CPS1: variants seen among roughly 807,000 people sequenced by gnomAD.
CPS1 encodes the protein carbamoyl-phosphate synthase 1.
Under a neutral mutation model 174.6 loss-of-function variants are expected in CPS1, and 109 were observed. The ratio of observed to expected loss-of-function variants is 0.62; its 90% CI spans 0.53 to 0.73. The LOEUF is 0.73. Among genes scored for constraint, CPS1 ranks in the 30% least tolerant of loss-of-function variants. CPS1 has a pLI of 0.00. For missense variants in CPS1, 1,689 were observed against 1,821.9 expected (o/e 0.93, Z 1.33); for synonymous variants, 637 against 632.0 (o/e 1.01, Z -0.12).
chr2:210,479,268 T>C (rs1482305960), intron 1 of CPS1, among the ~76,000 whole-genome samples: 1 of 152,076 alleles, frequency 6.6e-6, no homozygotes, highest in Non-Finnish European at 1.5e-5. Context: ...TGTGTCCTAA[T>C]TTCCTCTTCT....
intron 1 of CPS1, among the ~76,000 whole-genome samples, chr2:210,546,107 G>C (rs1193668645): frequency 6.6e-6 from 1 of 151,984 alleles, no homozygotes; most frequent in African/African-American, 2.4e-5. Context: ...AAACTGAAAG[G>C]CTTCTCAAGA....
chr2:210,592,538 G>A (rs188566521), intron 10 of CPS1, among the ~76,000 whole-genome samples: 3 of 151,972 alleles, frequency 2.0e-5, no homozygotes, highest in Admixed American at 1.3e-4. Context: ...AAGTAATTTC[G>A]GACTTGGGGA....
chr2:210,606,904 C>A lies in CPS1; in HGVS notation c.2155C>A (p.Leu719Met). The change falls in exon 18 of 38, where the codon CTG (leucine) becomes ATG (methionine). Residue 719 changes from leucine to methionine, a missense_variant. Coordinates refer to ENST00000233072, the MANE Select transcript of CPS1 (RefSeq NM_001875.5). ...EYCIIEVNAR[L>M]SRSSALASKA... ...CTGCATCATTGAAGTGAATGCCAGACTGTCCCGAAGCTCTGCTCTGGCCTC... is the reference window on the plus strand; with the variant it reads ...CTGCATCATTGAAGTGAATGCCAGAATGTCCCGAAGCTCTGCTCTGGCCTC... The A allele has an allele frequency of 6.2e-7, 1 of 1,612,560 alleles. No homozygotes were observed. Among genetic ancestry groups the A allele is most frequent in the South Asian group, 1.1e-5 (1 of 91,060 alleles).
chr2:210,618,573 GATA>G (rs1448716553), intron 21 of CPS1: 3 of 152,004 alleles, frequency 2.0e-5, no homozygotes, highest in Non-Finnish European at 4.4e-5. Context: ...ATAGCAATTT[GATA>G]ATGATTGTTA....
intron 21 of CPS1, among the ~76,000 whole-genome samples, chr2:210,620,308 A>C (rs1452976943): frequency 1.3e-5 from 2 of 152,130 alleles, no homozygotes; most frequent in Non-Finnish European, 2.9e-5. Context: ...GAAATAACTG[A>C]TGAGTTTTCC....
chr2:210,521,286 A>G (rs1695818874), intron 1 of CPS1, among the ~76,000 whole-genome samples: 1 of 151,420 alleles, frequency 6.6e-6, no homozygotes, highest in Non-Finnish European at 1.5e-5. Flanking sequence ...ATCCTTAATC[A>G]TCCTTTCATC....
chr2:210,620,458 C>A (rs1263469177), intron 21 of CPS1, among the ~76,000 whole-genome samples: 1 of 152,012 alleles, frequency 6.6e-6, no homozygotes, highest in Non-Finnish European at 1.5e-5. Context: ...GTGTATTAGG[C>A]CATTCTTGCA....
Position 210,498,961 on chromosome 2 carries a change from G to T in CPS1, c.3+21195G>T, listed in dbSNP as rs145417986. Among the ~76,000 whole-genome samples, 106 of 152,302 alleles carry T rather than the reference G, an allele frequency of 7.0e-4. 2 individuals are homozygous for T. The highest frequency in any genetic ancestry group is 2.4e-3 in the African/African-American group (101 of 41,586). ...GTGTCTGAACAGGATGGGTGGGCTG[G>T]CTCAGGCTGTTGATTCAGGTGAGTG... is the stretch of plus-strand genomic sequence containing the variant. On this transcript the variant is annotated intron_variant, in intron 1 of 38. Coordinates refer to the CPS1 transcript ENST00000430249.
At chr2:210,501,982 G>A (rs1695150471) in intron 1 of CPS1, among the ~76,000 whole-genome samples, 1 of 152,142 alleles carries the variant, frequency 6.6e-6, no homozygotes. Flanking sequence ...CATGGCTGGA[G>A]AGCCCTCAAG....
chr2:210,653,344 G>C (rs1035182210), intron 28 of CPS1, among the ~76,000 whole-genome samples: 5 of 152,082 alleles, frequency 3.3e-5, no homozygotes, highest in Admixed American at 6.6e-5. Flanking sequence ...AGGGCATCCC[G>C]ACCCTGACAT....
At chr2:210,542,096 A>G (rs573733703) in intron 1 of CPS1, among the ~76,000 whole-genome samples, 2 of 152,110 alleles carry the variant, frequency 1.3e-5, no homozygotes, top group Non-Finnish European at 2.9e-5. Flanking sequence ...CTAGCTTAAA[A>G]TCTAGGGTCT....
At chr2:210,630,159 C>G (rs1288143237) in intron 21 of CPS1, among the ~76,000 whole-genome samples, 3 of 151,080 alleles carry the variant, frequency 2.0e-5, no homozygotes, top group Non-Finnish European at 4.4e-5. Flanking sequence ...TTGCAATTAA[C>G]CTACATTAAG....
At chr2:210,609,554 A>G (rs898743363) in intron 19 of CPS1, among the ~76,000 whole-genome samples, 9 of 151,986 alleles carry the variant, frequency 5.9e-5, no homozygotes, top group African/African-American at 2.2e-4. Context: ...GTATTCATAA[A>G]TGTTGCATGG....
intron 1 of CPS1, among the ~76,000 whole-genome samples, chr2:210,513,698 C>A (rs559870494): frequency 5.9e-5 from 9 of 152,024 alleles, no homozygotes; most frequent in African/African-American, 2.2e-4. Context: ...TTAATTAGGT[C>A]CCACTTGTGA....
At chr2:210,583,579 G>C (rs1698002027) in intron 6 of CPS1, among the ~76,000 whole-genome samples, 1 of 152,118 alleles carries the variant, frequency 6.6e-6, no homozygotes, top group South Asian at 2.1e-4. Flanking sequence ...GGAGAACTTT[G>C]TTTCAGGCAG....
At chr2:210,622,112 T>A (rs1385400004) in intron 21 of CPS1, among the ~76,000 whole-genome samples, 1 of 151,578 alleles carries the variant, frequency 6.6e-6, no homozygotes, top group African/African-American at 2.4e-5. Flanking sequence ...TATATTCTTA[T>A]ATACTTTTTA....
At chr2:210,677,664 G>A (rs745359455) in intron 37 of CPS1, among the ~76,000 whole-genome samples, 4 of 152,200 alleles carry the variant, frequency 2.6e-5, no homozygotes, top group Non-Finnish European at 5.9e-5. Context: ...CCCTATGGGA[G>A]GAGAAATAAG....
chr2:210,615,937 T>C (rs2105865117), intron 20 of CPS1, among the ~76,000 whole-genome samples: 1 of 152,216 alleles, frequency 6.6e-6, no homozygotes, highest in South Asian at 2.1e-4. Flanking sequence ...CCATAAATTC[T>C]CACTGACTAT....
intron 1 of CPS1, 40 bp downstream of exon 1, chr2:210,556,899 G>A (rs1340918580): frequency 6.2e-7 from 1 of 1,607,710 alleles, no homozygotes. Context: ...AATACTATGG[G>A]GTATAGTTTA....
Sources: allele counts gnomAD v4.1 joint callset (sites outside exome capture counted in the v4.1 genomes callset), GRCh38; gene constraint gnomAD v4.1.1; transcripts MANE v1.5; gene names NCBI Gene and HGNC (gene_info 2026-07-23, HGNC 2026-07-21).